Variants in ADGRL2 observed in about 807,000 individuals in gnomAD.
ADGRL2 encodes calcium-independent alpha-latrotoxin receptor 2.
In ADGRL2, 44 loss-of-function variants were observed where a neutral mutation model predicts 157.4. The observed-to-expected ratio is 0.28, with a 90% confidence interval of 0.22 to 0.36. The LOEUF (loss-of-function observed/expected upper bound fraction) is 0.36, where lower values mean the gene tolerates loss of function less well. Ranked by LOEUF, ADGRL2 falls within the 10% of genes least tolerant of loss-of-function variation. The probability of loss-of-function intolerance (pLI) is 1.00; values close to 1 mark genes in which losing one functional copy is unlikely to be tolerated. For missense variants in ADGRL2, 1,510 were observed against 1,768.9 expected, an observed-to-expected ratio of 0.85 and a Z score of 2.63; for synonymous variants, 585 against 624.7, an observed-to-expected ratio of 0.94 and a Z score of 0.95.
At position 81,559,348 on chromosome 1, in the gene ADGRL2, G is replaced by A. The variant is rs538452820; in HGVS notation, c.-247-21528G>A. On this transcript the variant is annotated intron_variant, in intron 2 of 24. Coordinates refer to the ADGRL2 transcript ENST00000370721. The stretch of plus-strand genomic sequence containing the variant: ...AGTAGGTAACTGATTAGTGTCAATT[G>A]TGATGGATATAAATACGATGAAGAA... Among the ~76,000 whole-genome samples, 5 of 152,108 alleles carry A rather than the reference G, an allele frequency of 3.3e-5. No homozygotes were observed. In the South Asian group the frequency reaches 1.0e-3, roughly 32 times the overall value.
At chr1:81,600,877 G>A (rs952444671) in intron 3 of ADGRL2, among the ~76,000 whole-genome samples, 6 of 152,152 alleles carry the variant, frequency 3.9e-5, no homozygotes, top group African/African-American at 1.2e-4. Context: ...AAATAATGAA[G>A]TTAATATTTA....
intron 2 of ADGRL2, among the ~76,000 whole-genome samples, chr1:81,475,800 C>T (rs1445757929): frequency 2.0e-5 from 3 of 152,124 alleles, no homozygotes; most frequent in Non-Finnish European, 4.4e-5. Flanking sequence ...CAAGTGTCAA[C>T]TTGGGTTAAT....
intron 1 of ADGRL2, among the ~76,000 whole-genome samples, chr1:81,372,225 T>G (rs2076172666): frequency 6.6e-6 from 1 of 152,092 alleles, no homozygotes; most frequent in Non-Finnish European, 1.5e-5. Context: ...TAATTAATCA[T>G]CTGAGAATAA....
At position 81,910,627 on chromosome 1, in the gene ADGRL2, CT is replaced by C. The variant is rs557605440; in HGVS notation, c.287+3408del. Among the ~76,000 whole-genome samples, 1,372 of 141,472 alleles carry C rather than the reference CT, an allele frequency of 9.7e-3. 23 individuals carry two copies. Among genetic ancestry groups the C allele is most frequent in the African/African-American group, 0.031 (1,202 of 38,880 alleles). 92.8% of individuals were successfully genotyped at this position (141,472 alleles called of 152,430 possible). ...ATACGAGACACCTAACTCTTGGCAC[CT>C]TTTTTTTTTTGTTTTAATTGTGGTA... On this transcript the variant is annotated intron_variant, in intron 3 of 23. Transcript: ENST00000686636.
intron 2 of ADGRL2, among the ~76,000 whole-genome samples, chr1:81,518,076 G>GT (rs1165511474): frequency 6.6e-6 from 1 of 152,240 alleles, no homozygotes; most frequent in African/African-American, 2.4e-5. Flanking sequence ...TTGAGACTAG[G>GT]TTTTTAGCGA....
At chr1:81,610,230 T>TG (rs1557503934) in intron 3 of ADGRL2, among the ~76,000 whole-genome samples, 2 of 8,388 alleles carry the variant, frequency 2.4e-4, no homozygotes, top group Admixed American at 3.4e-3. Context: ...GGCTTGGAGG[T>TG]TTTTTTTTTT....
chr1:81,874,117 C>T (rs1204556621), intron 2 of ADGRL2, among the ~76,000 whole-genome samples: 1 of 152,138 alleles, frequency 6.6e-6, no homozygotes, highest in Admixed American at 6.6e-5. Flanking sequence ...TGGGTAGCTA[C>T]TCCAACATTC....
chr1:81,324,788 C>T (rs930940768), intron 1 of ADGRL2, among the ~76,000 whole-genome samples: 3 of 152,058 alleles, frequency 2.0e-5, no homozygotes, highest in African/African-American at 7.2e-5. Context: ...TCAATCTCGG[C>T]TCACTGCAAC....
chr1:81,656,767 T>C (rs1169953598), intron 3 of ADGRL2, among the ~76,000 whole-genome samples: 1 of 152,010 alleles, frequency 6.6e-6, no homozygotes, highest in Non-Finnish European at 1.5e-5. Flanking sequence ...ACAAACACTT[T>C]GGGAGGCTGA....
At chr1:81,490,086 A>G (rs1355622765) in intron 2 of ADGRL2, among the ~76,000 whole-genome samples, 2 of 151,802 alleles carry the variant, frequency 1.3e-5, no homozygotes, top group African/African-American at 4.8e-5. Flanking sequence ...CCATTTGTAA[A>G]TCTACTTTTT....
At chr1:81,404,598 T>C (rs2076820520) in intron 1 of ADGRL2, among the ~76,000 whole-genome samples, 1 of 152,220 alleles carries the variant, frequency 6.6e-6, no homozygotes, top group African/African-American at 2.4e-5. Context: ...TTTGAATAAG[T>C]ATAAAGCAAT....
chr1:81,837,660 T>G (rs1284288636), intron 2 of ADGRL2, among the ~76,000 whole-genome samples: 2 of 151,988 alleles, frequency 1.3e-5, no homozygotes, highest in East Asian at 3.9e-4. Flanking sequence ...AATCTAGGAA[T>G]AGTAATGAGT....
intron 11 of ADGRL2, among the ~76,000 whole-genome samples, chr1:81,964,683 T>G (rs2149261843): frequency 6.6e-6 from 1 of 152,244 alleles, no homozygotes; most frequent in African/African-American, 2.4e-5. Flanking sequence ...ATGAGATGAT[T>G]TTTGTAAAAA....
chr1:81,500,147 C>G (rs553734957), intron 2 of ADGRL2, among the ~76,000 whole-genome samples: 1 of 152,236 alleles, frequency 6.6e-6, no homozygotes, highest in Non-Finnish European at 1.5e-5. Flanking sequence ...TTATTAAAAC[C>G]AAAATCAAGT....
chr1:81,349,754 G>A (rs1662746037), intron 1 of ADGRL2, among the ~76,000 whole-genome samples: 1 of 151,692 alleles, frequency 6.6e-6, no homozygotes, highest in South Asian at 2.1e-4. Context: ...GAAAAATATA[G>A]GAACAGCCAA....
chr1:81,526,077 G>T (rs947678913), intron 2 of ADGRL2, among the ~76,000 whole-genome samples: 1 of 141,434 alleles, frequency 7.1e-6, no homozygotes, highest in African/African-American at 2.8e-5. Flanking sequence ...ATTGGACAAA[G>T]AATTTTCTCT....
chr1:81,757,410 A>C (rs2149291930), intron 1 of ADGRL2, among the ~76,000 whole-genome samples: 1 of 152,198 alleles, frequency 6.6e-6, no homozygotes, highest in Admixed American at 6.5e-5. Flanking sequence ...AAAATTGAAA[A>C]CCTAACTTAG....
In ADGRL2 at chr1:81,991,197, A is replaced by G. The variant is rs754111573; in HGVS notation, c.*52A>G. 1.3e-6 allele frequency: 2 copies of G among 1,510,432 alleles called. No individual in the cohort carries two copies. Among genetic ancestry groups the G allele is most frequent in the East Asian group, 2.3e-5 (1 of 44,014 alleles). The allele number at this position is 1,510,432 out of a possible 1,614,324, so 93.6% of individuals were successfully genotyped here. On this transcript the variant is annotated 3_prime_UTR_variant, in exon 24 of 24. Transcript: ENST00000686636. Reference sequence around the variant, plus strand: ...CACATGCGAGTATTAATAAATAAAGACACCATTGGCCTGACGCAGCTCCCT... The same window carrying G: ...CACATGCGAGTATTAATAAATAAAGGCACCATTGGCCTGACGCAGCTCCCT...
At chr1:81,920,430 G>C (rs1453401366) in intron 3 of ADGRL2, among the ~76,000 whole-genome samples, 2 of 152,132 alleles carry the variant, frequency 1.3e-5, no homozygotes, top group Non-Finnish European at 2.9e-5. Context: ...GTTTCTCCCA[G>C]CTGTCAAGAG....
Sources: gnomAD v4.1 joint callset for allele counts (sites outside exome capture counted in the v4.1 genomes callset) on GRCh38, gnomAD v4.1.1 for gene constraint, MANE v1.5 for transcripts, NCBI Gene and HGNC (gene_info 2026-07-23, HGNC 2026-07-21) for gene names.